The following ARHGAP8 variants were observed in gnomAD, a reference collection of about 807,000 sequenced individuals.
ARHGAP8 encodes rho GTPase-activating protein 8.
In ARHGAP8, 62 loss-of-function variants were observed where a neutral mutation model predicts 46.1. That is an observed-to-expected ratio of 1.34 (90% CI 1.10 to 1.66). The LOEUF (loss-of-function observed/expected upper bound fraction) is 1.66. Among genes scored for constraint, ARHGAP8 ranks in the 40% most tolerant of loss-of-function variants. ARHGAP8 has a pLI of 0.00. For missense variants in ARHGAP8, 923 were observed against 568.4 expected, an observed-to-expected ratio of 1.62 and a Z score of -6.34; for synonymous variants, 375 against 243.1, an observed-to-expected ratio of 1.54 and a Z score of -5.05.
intron 1 of ARHGAP8, among the ~76,000 whole-genome samples, chr22:44,770,019 G>T (rs1042328716): frequency 6.6e-6 from 1 of 152,188 alleles, no homozygotes; most frequent in Admixed American, 6.5e-5. Flanking sequence ...GCCGAGGCAG[G>T]TGGATCACGA....
chr22:44,859,784 C>A lies in ARHGAP8; in HGVS notation c.931C>A (p.Pro311Thr), dbSNP rs2070376589. Residue 311 changes from proline to threonine, a missense_variant, in exon 11 of 12, where the codon CCA becomes ACA. By Grantham distance (38) the Pro-to-Thr change is conservative. Transcript: ENST00000356099. Reference protein sequence around the residue: ...TGCRQILRSLPEHNYVVLRYL... With the variant: ...TGCRQILRSLTEHNYVVLRYL... ...CTGCCGCCAGATCTTACGGAGCCTCCCAGAGCACAACTACGTCGTCCTCCG... is the reference window on the plus strand; with the variant it reads ...CTGCCGCCAGATCTTACGGAGCCTCACAGAGCACAACTACGTCGTCCTCCG... The A allele has an allele frequency of 1.2e-6, 2 of 1,613,996 alleles. No individual in the cohort carries two copies. The highest frequency in any genetic ancestry group is 1.7e-6 in the Non-Finnish European group (2 of 1,180,036).
At chr22:44,772,424 A>T (rs187311539) in intron 1 of ARHGAP8, among the ~76,000 whole-genome samples, 1 of 147,158 alleles carries the variant, frequency 6.8e-6, no homozygotes, top group East Asian at 2.0e-4. Flanking sequence ...TCCTGACCTC[A>T]AGTGATCCGC....
chr22:44,786,430 G>T, intron 1 of ARHGAP8, 27 bp from the exon 2 acceptor site: 1 of 1,557,656 alleles, frequency 6.4e-7, no homozygotes, highest in Non-Finnish European at 8.7e-7. Context: ...AGAATGCACT[G>T]ACTTCCTTTA....
intron 10 of ARHGAP8, among the ~76,000 whole-genome samples, chr22:44,859,372 TC>T (rs2070352182): frequency 1.3e-5 from 2 of 152,290 alleles, no homozygotes; most frequent in African/African-American, 4.8e-5. Context: ...TCTCTCTTGC[TC>T]CTGTTTTTGC....
intron 3 of ARHGAP8, among the ~76,000 whole-genome samples, chr22:44,806,240 T>TA: frequency 6.6e-6 from 1 of 152,274 alleles, no homozygotes; most frequent in South Asian, 2.1e-4. Context: ...AGTGACTCAA[T>TA]AAAGGATGAC....
At chr22:44,808,278 C>A in intron 3 of ARHGAP8, 29 bp from the exon 4 acceptor site, 1 of 1,598,082 alleles carries the variant, frequency 6.3e-7, no homozygotes, top group South Asian at 1.1e-5. Context: ...AGGTGATTTT[C>A]ATAACTGAAT....
rs769647517 is a variant in ARHGAP8, at chr22:44,802,164, A to G, written c.167A>G (p.Glu56Gly). ...GAGCTGGACCACCAGCGGCTGCTGG[A>G]GTAAGTGTTCTGCCCCCTCTCTTTC... ...SHELDHQRLL[E>G]YLKYTLDQYV... Residue 56 changes from glutamate (E) to glycine (G), a missense_variant and splice_region_variant, in exon 3 of 12, where the codon GAG becomes GGG. Coordinates refer to ENST00000356099, the MANE Select transcript of ARHGAP8 (RefSeq NM_181335.3). 23 of 1,613,374 alleles carry G rather than the reference A, an allele frequency of 1.4e-5. No homozygotes were observed. Among genetic ancestry groups the G allele is most frequent in the South Asian group, 1.2e-4 (11 of 91,072 alleles).
chr22:44,776,284 C>A (rs986644591), intron 1 of ARHGAP8, among the ~76,000 whole-genome samples: 4 of 152,228 alleles, frequency 2.6e-5, no homozygotes, highest in Non-Finnish European at 5.9e-5. Context: ...AACCCAGTCT[C>A]TACTAAAAAT....
chr22:44,759,724 A>G (rs1197513107), intron 1 of ARHGAP8, among the ~76,000 whole-genome samples: 2 of 152,104 alleles, frequency 1.3e-5, no homozygotes, highest in Non-Finnish European at 2.9e-5. Context: ...ATGGTCAGGG[A>G]GATTGTCAGG....
At chr22:44,846,427 A>G (rs2069957764) in intron 8 of ARHGAP8, among the ~76,000 whole-genome samples, 1 of 152,108 alleles carries the variant, frequency 6.6e-6, no homozygotes, top group African/African-American at 2.4e-5. Context: ...GTCCATGCAC[A>G]TGGGGGTGGC....
In ARHGAP8 at chr22:44,777,998, TTTTATTTATTTATTTATTTA is replaced by T. The variant is rs59802896; in HGVS notation, c.-71-8431_-71-8412del. On this transcript the variant is annotated intron_variant, in intron 1 of 11. Transcript: ENST00000356099. ...GGCATGAGCCACTGTGCCTGGACTA[TTTTATTTATTTATTTATTTA>T]TTTATTTATTTATTTATTTATTTAT... Among the ~76,000 whole-genome samples the T allele has an allele frequency of 9.7e-3, 1,400 of 143,782 alleles. 29 individuals are homozygous for T. Among genetic ancestry groups the T allele is most frequent in the African/African-American group, 0.033 (1,284 of 39,112 alleles). 94.3% of individuals were successfully genotyped at this position (143,782 alleles called of 152,430 possible).
chr22:44,783,265 C>G (rs1183675731), intron 1 of ARHGAP8, among the ~76,000 whole-genome samples: 1 of 152,174 alleles, frequency 6.6e-6, no homozygotes, highest in African/African-American at 2.4e-5. Flanking sequence ...CCCTCCCCTG[C>G]CTGCAGGGCT....
intron 2 of ARHGAP8, among the ~76,000 whole-genome samples, chr22:44,799,154 TG>T: frequency 6.6e-6 from 1 of 152,350 alleles, no homozygotes; most frequent in South Asian, 2.1e-4. Context: ...CCCCCGCCCC[TG>T]TGCTGGGCCT....
intron 10 of ARHGAP8, among the ~76,000 whole-genome samples, chr22:44,859,255 G>A (rs2070345915): frequency 6.6e-6 from 1 of 152,186 alleles, no homozygotes; most frequent in Admixed American, 6.5e-5. Context: ...GGGACTGGTG[G>A]CAGGTGATTG....
At chr22:44,775,459 T>G (rs940028779) in intron 1 of ARHGAP8, among the ~76,000 whole-genome samples, 1 of 152,110 alleles carries the variant, frequency 6.6e-6, no homozygotes, top group Non-Finnish European at 1.5e-5. Flanking sequence ...TTCTCTTTTT[T>G]TTTTTGAGAC....
chr22:44,761,430 C>T (rs530148503), intron 1 of ARHGAP8, among the ~76,000 whole-genome samples: 15 of 152,304 alleles, frequency 9.8e-5, no homozygotes, highest in African/African-American at 3.6e-4. Flanking sequence ...AATGTAAGAA[C>T]TATTTACAGG....
intron 5 of ARHGAP8, among the ~76,000 whole-genome samples, chr22:44,816,055 G>T (rs183663775): frequency 3.9e-5 from 6 of 152,230 alleles, no homozygotes; most frequent in Non-Finnish European, 8.8e-5. Context: ...GAAGCCTCTG[G>T]GGACAGGGAG....
intron 1 of ARHGAP8, 93 bp from the exon 2 acceptor site, chr22:44,786,364 T>A: frequency 6.8e-7 from 1 of 1,477,934 alleles, no homozygotes; most frequent in Non-Finnish European, 9.1e-7. Flanking sequence ...GCAGCAGAGG[T>A]GGGTGACTGT....
chr22:44,845,342 G>A lies in ARHGAP8; in HGVS notation c.670G>A (p.Gly224Ser), dbSNP rs1325765998. ...CACAGTGACGTACCTGAGAGAGAAA[G>A]GTGAGACGGGGCCGGCTCCAGCTGG... ...RFTVTYLREK[G>S]LRTEGLFRRS... is the part of the protein sequence containing the mutation. Residue 224 changes from glycine (G) to serine (S), a missense_variant and splice_region_variant, in exon 8 of 12, where the codon GGC becomes AGC. Gly to Ser is a moderately conservative substitution (Grantham distance 56). Coordinates refer to ENST00000356099, the MANE Select transcript of ARHGAP8 (RefSeq NM_181335.3). 5 of 1,613,974 alleles carry A rather than the reference G, an allele frequency of 3.1e-6. No individual in the cohort carries two copies. The African/African-American group carries it at 5.3e-5, about 17-fold the overall frequency.
Sources: allele counts gnomAD v4.1 joint callset (sites outside exome capture counted in the v4.1 genomes callset), GRCh38; gene constraint gnomAD v4.1.1; transcripts MANE v1.5; gene names NCBI Gene and HGNC (gene_info 2026-07-23, HGNC 2026-07-21).